TMED8: variants seen among roughly 807,000 people sequenced by gnomAD.
TMED8 encodes the protein transmembrane p24 trafficking protein family member 8.
A neutral mutation model predicts 32.7 loss-of-function variants in TMED8; 15 were observed. The observed-to-expected ratio is 0.46, with a 90% CI of 0.31 to 0.71. The LOEUF (loss-of-function observed/expected upper bound fraction) is 0.71, where lower values mean the gene tolerates loss of function less well. Ranked by LOEUF, TMED8 falls within the 30% of genes least tolerant of loss-of-function variation. The pLI is 0.06. For synonymous variants in TMED8, 147 were observed against 161.4 expected (o/e 0.91, Z 0.68); for missense variants, 390 against 423.9 (o/e 0.92, Z 0.70).
chr14:77,359,575 T>C, intron 1 of TMED8: 1 of 416,044 alleles, frequency 2.4e-6, no homozygotes, highest in Non-Finnish European at 4.8e-6. Flanking sequence ...CGAGTAAAAC[T>C]GAAGAGTGGC....
chr14:77,344,381 T>G (rs899291342), intron 3 of TMED8, among the ~76,000 whole-genome samples: 6 of 152,258 alleles, frequency 3.9e-5, no homozygotes, highest in Admixed American at 1.3e-4. Flanking sequence ...GGCTACAGAT[T>G]GTCTCAGTCT....
chr14:77,351,307 A>G (rs1293045782), intron 2 of TMED8, among the ~76,000 whole-genome samples: 1 of 150,614 alleles, frequency 6.6e-6, no homozygotes, highest in Non-Finnish European at 1.5e-5. Flanking sequence ...CAATATGATG[A>G]AACCCCGTCT....
At chr14:77,357,269 T>A (rs1893311400) in intron 1 of TMED8, among the ~76,000 whole-genome samples, 1 of 152,212 alleles carries the variant, frequency 6.6e-6, no homozygotes, top group Non-Finnish European at 1.5e-5. Context: ...TCTATGGTTA[T>A]TACAAGTTTA....
intron 2 of TMED8, among the ~76,000 whole-genome samples, chr14:77,350,830 A>C (rs1414073883): frequency 6.6e-6 from 1 of 152,198 alleles, no homozygotes; most frequent in Non-Finnish European, 1.5e-5. Flanking sequence ...TTAAATAATA[A>C]AATTATGTTA....
intron 1 of TMED8, among the ~76,000 whole-genome samples, chr14:77,360,924 T>C (rs1269812965): frequency 1.3e-5 from 2 of 152,016 alleles, no homozygotes; most frequent in African/African-American, 4.8e-5. Context: ...ATGTACCTGT[T>C]GGCCATTTTT....
Position 77,376,087 on chromosome 14 carries a change from C to G in TMED8, c.118+849G>C, listed in dbSNP as rs1893808243. On this transcript the variant is annotated intron_variant, in intron 1 of 5. Transcript: ENST00000216468. The surrounding 1 kb of genome is among the most constrained non-coding windows in gnomAD (Gnocchi z 4.0). ...ACAAGTTCTCTCCCCTCTACCCTTT[C>G]GTATTTCAAAAGAGCATCCTTTCAG... 6.6e-6 allele frequency among the ~76,000 whole-genome samples: 1 copy of G among 152,180 alleles called. No homozygotes were observed. The highest frequency in any genetic ancestry group is 1.5e-5 in the Non-Finnish European group (1 of 68,020).
chr14:77,341,579 G>A lies in TMED8; in HGVS notation c.*192C>T. On this transcript the variant is annotated 3_prime_UTR_variant, in exon 6 of 6. Transcript: ENST00000216468. Reference sequence around the variant, plus strand: ...ATGAGTCAGGGACTACAGAACAGGGGCACTACACCACCACCTGCAGAAGCC... The same window carrying A: ...ATGAGTCAGGGACTACAGAACAGGGACACTACACCACCACCTGCAGAAGCC... 2 of 610,502 alleles carry A rather than the reference G, an allele frequency of 3.3e-6. No individual in the cohort carries two copies. The allele number at this position is 610,502 out of a possible 1,614,324, so 37.8% of individuals were successfully genotyped here.
At chr14:77,372,906 T>TTTTTTATATATA (rs1227686477) in intron 1 of TMED8, among the ~76,000 whole-genome samples, 1 of 35,342 alleles carries the variant, frequency 2.8e-5, no homozygotes, top group East Asian at 1.4e-3. Context: ...GCCACAGATA[T>TTTTTTATATATA]TATATATATA....
At chr14:77,374,415 C>T (rs1434958706) in intron 1 of TMED8, among the ~76,000 whole-genome samples, 1 of 152,206 alleles carries the variant, frequency 6.6e-6, no homozygotes, top group African/African-American at 2.4e-5. Context: ...ATGGGGATTG[C>T]CCTGTGCCTT....
chr14:77,367,888 T>G (rs541239619), intron 1 of TMED8, among the ~76,000 whole-genome samples: 9 of 152,130 alleles, frequency 5.9e-5, no homozygotes, highest in Non-Finnish European at 1.3e-4. Flanking sequence ...GAGACGGGGT[T>G]TCACCATGTT....
chr14:77,357,422 T>C (rs1385526832), intron 1 of TMED8, among the ~76,000 whole-genome samples: 2 of 152,210 alleles, frequency 1.3e-5, no homozygotes, highest in African/African-American at 2.4e-5. Context: ...AAAATGACTT[T>C]TCCAATTCTA....
At chr14:77,351,411 A>ATTTT (rs1181134385) in intron 2 of TMED8, among the ~76,000 whole-genome samples, 1 of 102,134 alleles carries the variant, frequency 9.8e-6, no homozygotes, top group Non-Finnish European at 1.8e-5. Flanking sequence ...CGCCCCGCTA[A>ATTTT]TTTTTTTTTT....
intron 1 of TMED8, among the ~76,000 whole-genome samples, chr14:77,353,681 G>A (rs1832917267): frequency 6.6e-6 from 1 of 150,582 alleles, no homozygotes; most frequent in Admixed American, 6.6e-5. Flanking sequence ...GGCTTGTCTT[G>A]AATTCCTGGG....
At chr14:77,349,826 T>C (rs1344767286) in intron 2 of TMED8, among the ~76,000 whole-genome samples, 2 of 152,200 alleles carry the variant, frequency 1.3e-5, no homozygotes, top group Non-Finnish European at 2.9e-5. Flanking sequence ...AGATAGGATG[T>C]CTTAAAAATT....
intron 1 of TMED8, chr14:77,359,289 C>T (rs1234670579): frequency 1.8e-5 from 3 of 165,876 alleles, no homozygotes; most frequent in Non-Finnish European, 3.9e-5. Context: ...AGTGGTGCAA[C>T]CCAACTCCAT....
intron 1 of TMED8, among the ~76,000 whole-genome samples, chr14:77,374,384 G>A (rs1297520829): frequency 1.3e-5 from 2 of 152,218 alleles, no homozygotes; most frequent in Non-Finnish European, 2.9e-5. Context: ...ACTGACATCT[G>A]GAGCCAGATA....
intron 1 of TMED8, among the ~76,000 whole-genome samples, chr14:77,354,594 C>A (rs888441219): frequency 6.6e-6 from 1 of 152,004 alleles, no homozygotes; most frequent in East Asian, 1.9e-4. Context: ...TACAGATAAG[C>A]AAAACAACAA....
Position 77,343,731 on chromosome 14 carries a change from CA to C in TMED8, c.419del (p.Leu140TrpfsTer17), listed in dbSNP as rs1390707573. The C allele has an allele frequency of 1.9e-6, 3 of 1,614,136 alleles. No homozygotes were observed. Among genetic ancestry groups the C allele is most frequent in the East Asian group, 2.2e-5 (1 of 44,880 alleles). On this transcript the variant is annotated frameshift_variant, in exon 4 of 6. Transcript: ENST00000216468. LOFTEE classifies it high-confidence loss of function. The part of the protein sequence containing the change: ...TGAIDVLSAD[L>X]ESADLLGDHR... ...GGTCCCCCAGAAGATCTGCAGATTCCAAATCAGCTGAAAGAACATCTATAGC... is the reference window on the plus strand; with the variant it reads ...GGTCCCCCAGAAGATCTGCAGATTCCAATCAGCTGAAAGAACATCTATAGC...
chr14:77,345,429 C>T (rs1193693775), intron 3 of TMED8, among the ~76,000 whole-genome samples: 2 of 152,132 alleles, frequency 1.3e-5, no homozygotes, highest in South Asian at 4.1e-4. Context: ...GTGGTGTCTT[C>T]ATTGACACTA....
Sources: allele counts gnomAD v4.1 joint callset (sites outside exome capture counted in the v4.1 genomes callset), GRCh38; gene constraint gnomAD v4.1.1; non-coding constraint Gnocchi (gnomAD v3.1); transcripts MANE v1.5; gene names NCBI Gene and HGNC (gene_info 2026-07-23, HGNC 2026-07-21).